PCDHB13: variants seen among roughly 807,000 people sequenced by gnomAD.
The protein encoded by PCDHB13 is protocadherin beta 13.
For synonymous variants in PCDHB13, 515 were observed against 450.7 expected (o/e 1.14, Z -1.81); for missense variants, 1,065 against 1,016.7 (o/e 1.05, Z -0.65).
chr5:141,216,842 C>A lies in PCDHB13; in HGVS notation c.*322C>A, dbSNP rs558245271. 3 of 362,604 alleles carry A rather than the reference C, an allele frequency of 8.3e-6. No individual in the cohort carries two copies. Among genetic ancestry groups the A allele is most frequent in the Non-Finnish European group, 1.6e-5 (3 of 188,776 alleles). The allele number at this position is 362,604 out of a possible 1,614,324, so 22.5% of individuals were successfully genotyped here. A position where few individuals can be genotyped will look rare whatever the true frequency, so the allele number is the denominator to read the frequency against. On this transcript the variant is annotated 3_prime_UTR_variant, in exon 1 of 1. Transcript: ENST00000341948. The stretch of plus-strand genomic sequence containing the variant: ...ATGCTTATGGTAAAATTAAATAGAG[C>A]AATTTGGAAGTGATTCCAATTTTCC...
chr5:141,216,820 C>A lies in PCDHB13; in HGVS notation c.*300C>A, dbSNP rs972710808. On this transcript the variant is annotated 3_prime_UTR_variant, in exon 1 of 1. Coordinates refer to ENST00000341948, the MANE Select transcript of PCDHB13 (RefSeq NM_018933.4). ...TAGCTGAACTTCACCCACTATTATG[C>A]TTATGGTAAAATTAAATAGAGCAAT... 7 of 412,812 alleles carry A rather than the reference C, an allele frequency of 1.7e-5. No homozygotes were observed. Among genetic ancestry groups the A allele is most frequent in the South Asian group, 1.7e-4 (7 of 41,618 alleles). 25.6% of individuals were successfully genotyped at this position (412,812 alleles called of 1,614,324 possible).
In PCDHB13 at chr5:141,216,511, T is replaced by C. The variant is rs781866124; in HGVS notation, c.2388T>C (p.Asn796=). Residue 796 remains asparagine, a synonymous_variant, in exon 1 of 1, where the codon AAT becomes AAC. Coordinates refer to ENST00000341948, the MANE Select transcript of PCDHB13 (RefSeq NM_018933.4). ...NSTFPNNFGF[N]IQ The stretch of plus-strand genomic sequence containing the variant: ...CCTTCCCCAATAACTTTGGGTTCAA[T>C]ATTCAGTGACCATAGTTGACTTTTA... 37 of 1,612,246 alleles carry C rather than the reference T, an allele frequency of 2.3e-5. No homozygotes were observed. Among genetic ancestry groups the C allele is most frequent in the South Asian group, 3.3e-5 (3 of 90,948 alleles).
In PCDHB13 at chr5:141,215,738, C is replaced by T. The variant is rs1554288004; in HGVS notation, c.1615C>T (p.Pro539Ser). 2 of 1,612,100 alleles carry T rather than the reference C, an allele frequency of 1.2e-6. No homozygotes were observed. The highest frequency in any genetic ancestry group is 1.7e-5 in the Admixed American group (1 of 60,014). The change falls in exon 1 of 1, where the codon CCG becomes TCG. Residue 539 changes from proline (P) to serine (S), a missense_variant. By Grantham distance (74) the Pro-to-Ser change is moderately conservative. Coordinates refer to ENST00000341948, the MANE Select transcript of PCDHB13 (RefSeq NM_018933.4). ...FRVGASDHGSPALSSEALVRV... is the reference protein window; with the variant it reads ...FRVGASDHGSSALSSEALVRV... ...CGTGGGCGCTTCAGACCACGGCTCC[C>T]CGGCGCTGAGCAGCGAGGCGCTGGT...
Position 141,215,041 on chromosome 5 carries a change from A to C in PCDHB13, c.918A>C (p.Lys306Asn). The C allele has an allele frequency of 6.2e-7, 1 of 1,614,208 alleles. No individual in the cohort carries two copies. The highest frequency in any genetic ancestry group is 1.3e-5 in the African/African-American group (1 of 75,046). Residue 306 changes from lysine (K) to asparagine (N), a missense_variant, in exon 1 of 1, where the codon AAA becomes AAC. Coordinates refer to ENST00000341948, the MANE Select transcript of PCDHB13 (RefSeq NM_018933.4). ...NPLTGEIELKKQLDFEKLQSY... is the reference protein window; with the variant it reads ...NPLTGEIELKNQLDFEKLQSY... ...TGACAGGAGAAATTGAACTAAAAAAACAACTCGATTTCGAAAAACTTCAGT... is the reference window on the plus strand; with the variant it reads ...TGACAGGAGAAATTGAACTAAAAAACCAACTCGATTTCGAAAAACTTCAGT...
rs142003231 is a variant in PCDHB13, at chr5:141,215,723, T to A, written c.1600T>A (p.Ser534Thr). Residue 534 changes from serine to threonine, a missense_variant, in exon 1 of 1, where the codon TCA (serine) becomes ACA (threonine). By Grantham distance (58) the Ser-to-Thr change is moderately conservative. Coordinates refer to ENST00000341948, the MANE Select transcript of PCDHB13 (RefSeq NM_018933.4). Reference sequence around the variant, plus strand: ...GGGGTTCCAGTTCCGCGTGGGCGCTTCAGACCACGGCTCCCCGGCGCTGAG... The same window carrying A: ...GGGGTTCCAGTTCCGCGTGGGCGCTACAGACCACGGCTCCCCGGCGCTGAG... Reference protein sequence around the residue: ...LQGFQFRVGASDHGSPALSSE... With the variant: ...LQGFQFRVGATDHGSPALSSE... 6.2e-3 allele frequency: 9,931 copies of A among 1,612,438 alleles called. 85 individuals carry two copies. The highest frequency in any genetic ancestry group is 0.027 in the South Asian group (2,497 of 90,998).
chr5:141,215,894 G>A lies in PCDHB13; in HGVS notation c.1771G>A (p.Ala591Thr). 1.2e-6 allele frequency: 2 copies of A among 1,606,298 alleles called. No homozygotes were observed. Among genetic ancestry groups the A allele is most frequent in the Non-Finnish European group, 1.7e-6 (2 of 1,178,538 alleles). The change falls in exon 1 of 1, where the codon GCG becomes ACG. Residue 591 changes from alanine to threonine, a missense_variant. Physicochemically the swap from Ala to Thr is moderately conservative, Grantham distance 58. Coordinates refer to ENST00000341948, the MANE Select transcript of PCDHB13 (RefSeq NM_018933.4). The part of the protein sequence containing the change: ...EPGYLVTKVV[A>T]VDGDSGQNAW... ...GGGCTACCTGGTGACCAAGGTGGTGGCGGTGGACGGCGACTCGGGCCAGAA... is the reference window on the plus strand; with the variant it reads ...GGGCTACCTGGTGACCAAGGTGGTGACGGTGGACGGCGACTCGGGCCAGAA...
chr5:141,215,378 A>T lies in PCDHB13; in HGVS notation c.1255A>T (p.Ile419Phe). The change falls in exon 1 of 1, where the codon ATC becomes TTC. Residue 419 changes from isoleucine to phenylalanine, a missense_variant. Ile to Phe is a conservative substitution (Grantham distance 21). Transcript: ENST00000341948. ...LDRESRAEYN[I>F]TITVTDLGTP... Reference sequence around the variant, plus strand: ...CAGAGAAAGCAGAGCGGAATACAACATCACTATCACTGTCACTGACTTGGG... The same window carrying T: ...CAGAGAAAGCAGAGCGGAATACAACTTCACTATCACTGTCACTGACTTGGG... The T allele has an allele frequency of 6.2e-7, 1 of 1,614,186 alleles. No homozygotes were observed.
chr5:141,217,611 T>A lies in PCDHB13; in HGVS notation c.*1091T>A, dbSNP rs1329299721. On this transcript the variant is annotated 3_prime_UTR_variant, in exon 1 of 1. Coordinates refer to ENST00000341948, the MANE Select transcript of PCDHB13 (RefSeq NM_018933.4). ...GAACATTGATAGTATCAAAAGATAG[T>A]CCCTTAGGGTTCTAATTTTAAAAAA... is the stretch of plus-strand genomic sequence containing the variant. The A allele has an allele frequency of 6.0e-6, 1 of 166,962 alleles. No individual in the cohort carries two copies. The highest frequency in any genetic ancestry group is 1.9e-4 in the East Asian group (1 of 5,198). 10.3% of individuals were successfully genotyped at this position (166,962 alleles called of 1,614,324 possible).
rs1754619856 is a variant in PCDHB13, at chr5:141,216,518, T to C, written c.2395T>C (p.Ter799ArgextTer2). The C allele has an allele frequency of 1.9e-6, 3 of 1,605,786 alleles. No homozygotes were observed. The highest frequency in any genetic ancestry group is 2.6e-6 in the Non-Finnish European group (3 of 1,172,786). Residue 799 changes from the stop codon to arginine, a stop_lost, in exon 1 of 1, where the codon TGA (stop) becomes CGA (arginine). Transcript: ENST00000341948. Reference sequence around the variant, plus strand: ...CAATAACTTTGGGTTCAATATTCAGTGACCATAGTTGACTTTTACATTCCA... The same window carrying C: ...CAATAACTTTGGGTTCAATATTCAGCGACCATAGTTGACTTTTACATTCCA... ...FPNNFGFNIQ[*>R]
Position 141,214,003 on chromosome 5 carries a change from T to G in PCDHB13, c.-121T>G. 1 of 961,412 alleles carries G rather than the reference T, an allele frequency of 1.0e-6. No homozygotes were observed. The highest frequency in any genetic ancestry group is 1.6e-6 in the Non-Finnish European group (1 of 640,344). The allele number at this position is 961,412 out of a possible 1,614,324, so 59.6% of individuals were successfully genotyped here. On this transcript the variant is annotated 5_prime_UTR_variant, in exon 1 of 1. Transcript: ENST00000341948. ...CCAAAGGGAGGACGGCTGGGTCCTC[T>G]GGAGAGGACTACTCACTGGCATATT...
chr5:141,217,804 C>A lies in PCDHB13; in HGVS notation c.*1284C>A, dbSNP rs1215641685. 6.0e-6 allele frequency: 1 copy of A among 166,624 alleles called. No homozygotes were observed. The highest frequency in any genetic ancestry group is 2.4e-5 in the African/African-American group (1 of 41,260). The allele number at this position is 166,624 out of a possible 1,614,324, so 10.3% of individuals were successfully genotyped here. ...GTTGTGGGAGAAAAATGTAGAATAA[C>A]AAAATGAGTAAAAGTATAGAGGCAA... On this transcript the variant is annotated 3_prime_UTR_variant, in exon 1 of 1. Coordinates refer to ENST00000341948, the MANE Select transcript of PCDHB13 (RefSeq NM_018933.4).
In PCDHB13 at chr5:141,214,075, T is replaced by C. The variant is rs782016271; in HGVS notation, c.-49T>C. Reference sequence around the variant, plus strand: ...CCACAGCCTCAGATACTGGGGACTTTACAGTCCCACAGAACCGTCCTCCCA... The same window carrying C: ...CCACAGCCTCAGATACTGGGGACTTCACAGTCCCACAGAACCGTCCTCCCA... On this transcript the variant is annotated 5_prime_UTR_variant, in exon 1 of 1. Coordinates refer to ENST00000341948, the MANE Select transcript of PCDHB13 (RefSeq NM_018933.4). The C allele has an allele frequency of 5.6e-6, 9 of 1,613,472 alleles. No individual in the cohort carries two copies. The highest frequency in any genetic ancestry group is 7.6e-6 in the Non-Finnish European group (9 of 1,179,756).
Position 141,215,824 on chromosome 5 carries a change from C to T in PCDHB13, c.1701C>T (p.Asn567=), listed in dbSNP as rs782741589. 87 of 1,610,506 alleles carry T rather than the reference C, an allele frequency of 5.4e-5. No individual in the cohort carries two copies. Among genetic ancestry groups the T allele is most frequent in the Non-Finnish European group, 6.2e-5 (73 of 1,179,544 alleles). Residue 567 remains asparagine (N), a synonymous_variant, in exon 1 of 1, where the codon AAC becomes AAT. Coordinates refer to ENST00000341948, the MANE Select transcript of PCDHB13 (RefSeq NM_018933.4). ...NSPFVLYPLQ[N]GSAPCTELVP... is the part of the protein sequence containing the mutation. ...CCTTCGTGCTGTACCCGCTGCAGAA[C>T]GGCTCCGCGCCCTGCACCGAGCTGG...
Position 141,214,624 on chromosome 5 carries a change from T to C in PCDHB13, c.501T>C (p.Asn167=). Residue 167 remains asparagine, a synonymous_variant, in exon 1 of 1, where the codon AAT becomes AAC. Coordinates refer to ENST00000341948, the MANE Select transcript of PCDHB13 (RefSeq NM_018933.4). ...NAEDLDVGQN[N]IENYIISPNS... is the part of the protein sequence containing the mutation. ...AAGACTTAGATGTAGGCCAAAACAA[T>C]ATTGAGAACTATATAATCAGCCCCA... 2 of 1,614,134 alleles carry C rather than the reference T, an allele frequency of 1.2e-6. No individual in the cohort carries two copies. Among genetic ancestry groups the C allele is most frequent in the Non-Finnish European group, 1.7e-6 (2 of 1,180,036 alleles).
chr5:141,216,352 G>C lies in PCDHB13; in HGVS notation c.2229G>C (p.Arg743Ser). The change falls in exon 1 of 1, where the codon AGG (arginine) becomes AGC (serine). Residue 743 changes from arginine (R) to serine (S), a missense_variant. Coordinates refer to ENST00000341948, the MANE Select transcript of PCDHB13 (RefSeq NM_018933.4). ...ATCTTGTGGACATGAGCGGCACCAG[G>C]ACCCTATCCCAGAGCTACCAGTATG... Reference protein sequence around the residue: ...PGHLVDMSGTRTLSQSYQYEV... With the variant: ...PGHLVDMSGTSTLSQSYQYEV... 6.2e-7 allele frequency: 1 copy of C among 1,614,202 alleles called. No homozygotes were observed.
Position 141,214,460 on chromosome 5 carries a change from A to G in PCDHB13, c.337A>G (p.Ser113Gly). 1 of 1,528,952 alleles carries G rather than the reference A, an allele frequency of 6.5e-7. No homozygotes were observed. The highest frequency in any genetic ancestry group is 9.0e-7 in the Non-Finnish European group (1 of 1,106,278). 94.7% of individuals were successfully genotyped at this position (1,528,952 alleles called of 1,614,324 possible). A position where few individuals can be genotyped will look rare whatever the true frequency, so the allele number is the denominator to read the frequency against. The change falls in exon 1 of 1, where the codon AGT (serine) becomes GGT (glycine). Residue 113 changes from serine (S) to glycine (G), a missense_variant. Physicochemically the swap from Ser to Gly is moderately conservative, Grantham distance 56 (BLOSUM62 0). Transcript: ENST00000341948. ...CVLRFQVLLE[S>G]PFEFFQAELQ... The stretch of plus-strand genomic sequence containing the variant: ...GCTACGTTTCCAAGTGTTGCTAGAG[A>G]GTCCCTTCGAGTTTTTTCAAGCTGA...
chr5:141,215,357 G>A lies in PCDHB13; in HGVS notation c.1234G>A (p.Glu412Lys). Residue 412 changes from glutamate to lysine, a missense_variant, in exon 1 of 1, where the codon GAA (glutamate) becomes AAA (lysine). Glu to Lys is a moderately conservative substitution (Grantham distance 56). Transcript: ENST00000341948. The stretch of plus-strand genomic sequence containing the variant: ...ACTAACGGAGAGACCACTAGACAGA[G>A]AAAGCAGAGCGGAATACAACATCAC... The part of the protein sequence containing the change: ...TLLTERPLDR[E>K]SRAEYNITIT... The A allele has an allele frequency of 6.2e-7, 1 of 1,614,198 alleles. No individual in the cohort carries two copies. Among genetic ancestry groups the A allele is most frequent in the Non-Finnish European group, 8.5e-7 (1 of 1,180,044 alleles).
In PCDHB13 at chr5:141,214,877, AT is replaced by A; in HGVS notation, c.755del (p.Ile252ThrfsTer7). On this transcript the variant is annotated frameshift_variant, in exon 1 of 1. Transcript: ENST00000341948. LOFTEE classifies it low-confidence loss of function (END_TRUNC). ...EFEQPFYRVQ[I>X]SEDSPVGFLV... ...TGAGCAGCCTTTCTATAGAGTGCAG[AT>A]CTCTGAGGACAGTCCGGTAGGCTTC... 3 of 1,614,138 alleles carry A rather than the reference AT, an allele frequency of 1.9e-6. No individual in the cohort carries two copies. The highest frequency in any genetic ancestry group is 2.5e-6 in the Non-Finnish European group (3 of 1,180,014).
At position 141,216,930 on chromosome 5, in the gene PCDHB13, C is replaced by A; in HGVS notation, c.*410C>A. The A allele has an allele frequency of 3.9e-6, 1 of 255,222 alleles. No individual in the cohort carries two copies. The highest frequency in any genetic ancestry group is 8.0e-6 in the Non-Finnish European group (1 of 124,520). The allele number at this position is 255,222 out of a possible 1,614,324, so 15.8% of individuals were successfully genotyped here. Reference sequence around the variant, plus strand: ...AATAATGACTCCTATTCAGACATATCATTTTTCTTTTTTGTAAATCCAGTG... The same window carrying A: ...AATAATGACTCCTATTCAGACATATAATTTTTCTTTTTTGTAAATCCAGTG... On this transcript the variant is annotated 3_prime_UTR_variant, in exon 1 of 1. Transcript: ENST00000341948.
Sources: allele counts gnomAD v4.1 joint callset, GRCh38; gene constraint gnomAD v4.1.1; transcripts MANE v1.5; gene names NCBI Gene and HGNC (gene_info 2026-07-23, HGNC 2026-07-21).